Variants in ZFAT observed in about 807,000 individuals in gnomAD.
ZFAT encodes zinc finger protein ZFAT.
In ZFAT, 64 loss-of-function variants were observed where a neutral mutation model predicts 117.7. That is an observed-to-expected ratio of 0.54 (90% CI 0.44 to 0.67). The LOEUF is 0.67. Among genes scored for constraint, ZFAT ranks in the 30% least tolerant of loss-of-function variants. The probability of loss-of-function intolerance (pLI) is 0.00; values close to 1 mark genes in which losing one functional copy is unlikely to be tolerated. For synonymous variants in ZFAT, 679 were observed against 615.0 expected, an observed-to-expected ratio of 1.10 and a Z score of -1.54; for missense variants, 1,433 against 1,584.5, an observed-to-expected ratio of 0.90 and a Z score of 1.62.
the ZFAT span, among the ~76,000 whole-genome samples, chr8:134,747,301 G>C: frequency 1.3e-5 from 2 of 151,696 alleles, no homozygotes; most frequent in East Asian, 3.9e-4. Flanking sequence ...TGTTGCCCAG[G>C]CTGGTCTCAA....
At chr8:134,620,342 C>A (rs148015905) in intron 3 of ZFAT, among the ~76,000 whole-genome samples, 220 of 152,346 alleles carry the variant, frequency 1.4e-3, no homozygotes, top group Middle Eastern at 6.8e-3. Context: ...TGCTCCTAAT[C>A]ACTCCATGCA....
chr8:134,768,470 AT>A, the ZFAT span, among the ~76,000 whole-genome samples: 2 of 152,148 alleles, frequency 1.3e-5, no homozygotes, highest in Non-Finnish European at 2.9e-5. Context: ...AGACTAGCCA[AT>A]TTACAAAAGA....
chr8:134,581,594 G>T (rs796751739), intron 10 of ZFAT, among the ~76,000 whole-genome samples: 30 of 152,072 alleles, frequency 2.0e-4, no homozygotes, highest in African/African-American at 6.7e-4. Context: ...TTTTTGGCAG[G>T]GGGGGTGTAG....
intron 2 of ZFAT, among the ~76,000 whole-genome samples, chr8:134,642,918 G>A (rs1218468847): frequency 6.6e-6 from 1 of 152,240 alleles, no homozygotes; most frequent in Non-Finnish European, 1.5e-5. Context: ...TTAGGTTTAT[G>A]AGGAATGCAA....
the ZFAT span, among the ~76,000 whole-genome samples, chr8:134,807,033 C>T: frequency 1.3e-5 from 2 of 152,202 alleles, no homozygotes; most frequent in African/African-American, 4.8e-5. Flanking sequence ...ACTTTTAACA[C>T]ATTTTTATAA....
At chr8:134,527,476 T>C (rs980311482) in intron 12 of ZFAT, among the ~76,000 whole-genome samples, 2 of 152,332 alleles carry the variant, frequency 1.3e-5, no homozygotes, top group African/African-American at 4.8e-5. Context: ...TGTATTAGAT[T>C]AACAAGTGAA....
Position 134,601,757 on chromosome 8 carries a change from T to G in ZFAT, c.1962A>C (p.Leu654=). The change falls in exon 6 of 16, where the codon CTA becomes CTC. Residue 654 remains leucine (L), a synonymous_variant. Coordinates refer to ENST00000377838, the MANE Select transcript of ZFAT (RefSeq NM_020863.4). ...DQESHGAQSP[L]GEGQNMAVLS... ...GCACAGCCATGTTCTGCCCTTCCCC[T>G]AGGGGGCTCTGGGCGCCATGGCTTT... 1 of 1,613,710 alleles carries G rather than the reference T, an allele frequency of 6.2e-7. No individual in the cohort carries two copies.
the ZFAT span, among the ~76,000 whole-genome samples, chr8:134,728,856 C>T: frequency 6.6e-6 from 1 of 152,140 alleles, no homozygotes; most frequent in Non-Finnish European, 1.5e-5. Flanking sequence ...ACATATCTCT[C>T]TCCTCTTATA....
chr8:134,716,666 A>G (rs1209309586), upstream of ZFAT, among the ~76,000 whole-genome samples: 1 of 152,228 alleles, frequency 6.6e-6, no homozygotes, highest in African/African-American at 2.4e-5. Flanking sequence ...AGGAAGAGGC[A>G]GTGACAATTT....
the ZFAT span, among the ~76,000 whole-genome samples, chr8:134,808,116 T>G: frequency 6.6e-6 from 1 of 152,244 alleles, no homozygotes; most frequent in African/African-American, 2.4e-5. Context: ...AGAAACGATT[T>G]CGCTAAGCTC....
intron 2 of ZFAT, among the ~76,000 whole-genome samples, chr8:134,650,126 TC>T (rs1279004807): frequency 1.3e-5 from 2 of 151,342 alleles, no homozygotes; most frequent in Non-Finnish European, 1.5e-5. Context: ...TTATTTTTTT[TC>T]TTTTTTTTTT....
At chr8:134,665,255 C>T (rs1832151614) in intron 1 of ZFAT, among the ~76,000 whole-genome samples, 2 of 152,212 alleles carry the variant, frequency 1.3e-5, no homozygotes, top group South Asian at 4.1e-4. Context: ...ACTTCTCTGG[C>T]CATGGGCTGC....
chr8:134,558,171 G>A (rs1325142895), intron 11 of ZFAT, among the ~76,000 whole-genome samples: 1 of 152,224 alleles, frequency 6.6e-6, no homozygotes, highest in Non-Finnish European at 1.5e-5. Context: ...TGCAGGAAGG[G>A]TGGCAAGAGG....
intron 1 of ZFAT, chr8:134,674,764 G>A: frequency 6.9e-6 from 2 of 289,186 alleles, no homozygotes; most frequent in Non-Finnish European, 1.4e-5. Flanking sequence ...CATCTGGCAG[G>A]TGCCCCTCTG....
chr8:134,637,747 G>A lies in ZFAT; in HGVS notation c.197-35C>T, dbSNP rs190995929. Reference sequence around the variant, plus strand: ...AAACAAGAGGGCACAATGGAATCACGTGAGACGGCAGTGCAGGGTTCACAA... The same window carrying A: ...AAACAAGAGGGCACAATGGAATCACATGAGACGGCAGTGCAGGGTTCACAA... On this transcript the variant is annotated intron_variant, in intron 2 of 15. Transcript: ENST00000377838. The A allele has an allele frequency of 2.6e-4, 408 of 1,599,872 alleles. 1 individual carries two copies. The African/African-American group carries it at 4.5e-3, about 18-fold the overall frequency.
the ZFAT span, among the ~76,000 whole-genome samples, chr8:134,763,913 A>G: frequency 2.0e-5 from 3 of 152,210 alleles, no homozygotes; most frequent in Non-Finnish European, 4.4e-5. Context: ...GAGTTAGAAA[A>G]TCAGGTTTCC....
the ZFAT span, among the ~76,000 whole-genome samples, chr8:134,743,107 A>G: frequency 6.6e-6 from 1 of 152,256 alleles, no homozygotes; most frequent in Admixed American, 6.5e-5. Flanking sequence ...ACACGTGGTG[A>G]AACCATCTCT....
At chr8:134,654,974 C>A (rs1017435244) in intron 2 of ZFAT, among the ~76,000 whole-genome samples, 2 of 152,126 alleles carry the variant, frequency 1.3e-5, no homozygotes, top group African/African-American at 4.8e-5. Context: ...CCACTTGGGA[C>A]CAAAAAGTGT....
At chr8:134,691,085 A>G (rs539498001) in intron 1 of ZFAT, among the ~76,000 whole-genome samples, 3 of 152,400 alleles carry the variant, frequency 2.0e-5, no homozygotes, top group Admixed American at 2.0e-4. Flanking sequence ...AAACAAGGTC[A>G]GAAAGTCCTA....
Sources: gnomAD v4.1 joint callset for allele counts (sites outside exome capture counted in the v4.1 genomes callset) on GRCh38, gnomAD v4.1.1 for gene constraint, MANE v1.5 for transcripts, NCBI Gene and HGNC (gene_info 2026-07-23, HGNC 2026-07-21) for gene names.